NDUFB3: variants seen among roughly 807,000 people sequenced by gnomAD.
The protein encoded by NDUFB3 is NADH dehydrogenase [ubiquinone] 1 beta subcomplex subunit 3.
Under a neutral mutation model 9.0 loss-of-function variants are expected in NDUFB3, and 7 were observed. That is an observed-to-expected ratio of 0.78 (90% CI 0.44 to 1.46). NDUFB3 has a LOEUF of 1.46. Ranked by LOEUF, NDUFB3 falls within the 40% of genes most tolerant of loss-of-function variation. The pLI is 0.01. For missense variants in NDUFB3, 93 were observed against 115.4 expected, an observed-to-expected ratio of 0.81 and a Z score of 0.89; for synonymous variants, 29 against 38.5, an observed-to-expected ratio of 0.75 and a Z score of 0.91.
intron 2 of NDUFB3, among the ~76,000 whole-genome samples, chr2:201,083,507 A>AAATTAG (rs2047255788): frequency 5.9e-5 from 9 of 152,012 alleles, no homozygotes; most frequent in African/African-American, 2.2e-4. Context: ...GGCATGTGCC[A>AAATTAG]CCACACCCGG....
At chr2:201,078,733 T>A (rs1197669418) in intron 1 of NDUFB3, 148 bp from the exon 2 acceptor site, 3 of 756,524 alleles carry the variant, frequency 4.0e-6, no homozygotes, top group Non-Finnish European at 6.1e-6. Context: ...GACACTTTTA[T>A]AAAATCCTTT....
intron 2 of NDUFB3, among the ~76,000 whole-genome samples, chr2:201,081,428 A>G (rs1471136339): frequency 6.6e-6 from 1 of 151,848 alleles, no homozygotes; most frequent in Admixed American, 6.6e-5. Flanking sequence ...GGTTGCAATG[A>G]ACCAAGATCG....
intron 1 of NDUFB3, among the ~76,000 whole-genome samples, chr2:201,073,695 G>A (rs763490353): frequency 6.6e-6 from 1 of 152,006 alleles, no homozygotes; most frequent in Non-Finnish European, 1.5e-5. Context: ...TAGAACCTGG[G>A]AGGCGGAGGT....
At chr2:201,078,655 C>T (rs1226441877) in intron 1 of NDUFB3, among the ~76,000 whole-genome samples, 1 of 151,914 alleles carries the variant, frequency 6.6e-6, no homozygotes, top group Non-Finnish European at 1.5e-5. Flanking sequence ...GATGAGATTG[C>T]CAATTATTTT....
chr2:201,084,590 T>C (rs1039042452), intron 2 of NDUFB3, among the ~76,000 whole-genome samples: 2 of 152,098 alleles, frequency 1.3e-5, no homozygotes, highest in African/African-American at 4.8e-5. Flanking sequence ...TGAGCTGAGA[T>C]TGTGCCACTG....
chr2:201,081,339 C>G (rs1178047336), intron 2 of NDUFB3, among the ~76,000 whole-genome samples: 2 of 151,542 alleles, frequency 1.3e-5, no homozygotes, highest in Non-Finnish European at 2.9e-5. Context: ...AAAAATTAGC[C>G]AGGTGTGGTA....
At chr2:201,083,237 G>C (rs960207382) in intron 2 of NDUFB3, among the ~76,000 whole-genome samples, 9 of 151,948 alleles carry the variant, frequency 5.9e-5, no homozygotes, top group Non-Finnish European at 7.4e-5. Flanking sequence ...GAAAACATTT[G>C]GTGGGTCACC....
chr2:201,075,948 C>G (rs560404107), intron 1 of NDUFB3, among the ~76,000 whole-genome samples: 3 of 152,166 alleles, frequency 2.0e-5, no homozygotes, highest in African/African-American at 4.8e-5. Context: ...TAAAATGAAG[C>G]CTTATTTTAA....
chr2:201,079,171 T>A, intron 2 of NDUFB3, 149 bp downstream of exon 2: 1 of 913,624 alleles, frequency 1.1e-6, no homozygotes, highest in Non-Finnish European at 1.6e-6. Flanking sequence ...TTTGAGACGG[T>A]GTCTTGCTGT....
chr2:201,074,365 G>T (rs911708555), intron 1 of NDUFB3, among the ~76,000 whole-genome samples: 1 of 151,712 alleles, frequency 6.6e-6, no homozygotes, highest in Non-Finnish European at 1.5e-5. Context: ...CACATTTCAA[G>T]TGCTAGTGGC....
chr2:201,079,158 G>T, intron 2 of NDUFB3, 136 bp downstream of exon 2: 1 of 1,051,100 alleles, frequency 9.5e-7, no homozygotes, highest in South Asian at 1.9e-5. Flanking sequence ...TTTTTGTTTT[G>T]TTTTTGAGAC....
intron 2 of NDUFB3, among the ~76,000 whole-genome samples, 198 bp downstream of exon 2, chr2:201,079,220 C>A (rs1288564219): frequency 6.6e-6 from 1 of 152,186 alleles, no homozygotes; most frequent in Non-Finnish European, 1.5e-5. Flanking sequence ...TCTCAGCTCA[C>A]TGCAGCCTCC....
intron 1 of NDUFB3, among the ~76,000 whole-genome samples, chr2:201,072,689 C>T (rs1383704155): frequency 6.6e-6 from 1 of 152,058 alleles, no homozygotes; most frequent in African/African-American, 2.4e-5. Flanking sequence ...CGGAAATAAC[C>T]ACCATTTTTC....
At chr2:201,079,665 A>C (rs2047202855) in intron 2 of NDUFB3, among the ~76,000 whole-genome samples, 1 of 152,030 alleles carries the variant, frequency 6.6e-6, no homozygotes, top group African/African-American at 2.4e-5. Flanking sequence ...CTAGTCTCAA[A>C]TTCCTGAGGT....
chr2:201,084,997 A>T (rs2047273796), intron 2 of NDUFB3, among the ~76,000 whole-genome samples: 3 of 152,232 alleles, frequency 2.0e-5, no homozygotes, highest in Admixed American at 2.0e-4. Flanking sequence ...ATTATAAAGT[A>T]GATAATAATC....
intron 2 of NDUFB3, among the ~76,000 whole-genome samples, chr2:201,081,635 A>T (rs2125536926): frequency 6.6e-6 from 1 of 151,230 alleles, no homozygotes; most frequent in South Asian, 2.1e-4. Context: ...TACTGAATTA[A>T]TTATTTATTT....
At chr2:201,081,254 C>T (rs557518421) in intron 2 of NDUFB3, among the ~76,000 whole-genome samples, 265 of 151,756 alleles carry the variant, frequency 1.7e-3, no homozygotes, top group African/African-American at 6.1e-3. Flanking sequence ...GAGGCCGAGG[C>T]GGGTGGATCA....
chr2:201,084,445 T>C (rs2047265855), intron 2 of NDUFB3, among the ~76,000 whole-genome samples: 1 of 151,678 alleles, frequency 6.6e-6, no homozygotes. Flanking sequence ...GGGCAACAGA[T>C]TGAGACTCTG....
At chr2:201,077,202 G>A (rs2047173605) in intron 1 of NDUFB3, among the ~76,000 whole-genome samples, 2 of 151,962 alleles carry the variant, frequency 1.3e-5, no homozygotes, top group Admixed American at 6.6e-5. Context: ...TTCCGGAAAA[G>A]CAGTGATTAT....
Sources: gnomAD v4.1 joint callset for allele counts (sites outside exome capture counted in the v4.1 genomes callset) on GRCh38, gnomAD v4.1.1 for gene constraint, MANE v1.5 for transcripts, NCBI Gene and HGNC (gene_info 2026-07-23, HGNC 2026-07-21) for gene names.